The following RPL7A variants were observed in gnomAD, a reference collection of about 807,000 sequenced individuals.
RPL7A encodes ribosomal protein L7a, also known as large ribosomal subunit protein eL8.
For synonymous variants in RPL7A, 158 were observed against 128.2 expected (o/e 1.23, Z -1.57); for missense variants, 291 against 338.2 (o/e 0.86, Z 1.09).
At chr9:133,350,807 G>T in intron 6 of RPL7A, 80 bp downstream of exon 6, 3 of 1,595,076 alleles carry the variant, frequency 1.9e-6, no homozygotes, top group Non-Finnish European at 1.7e-6. Flanking sequence ...TGCCTTAAAG[G>T]CCAATCTTTT....
intron 6 of RPL7A, 95 bp from the exon 7 acceptor site, chr9:133,350,907 A>G (rs1337165920): frequency 2.0e-6 from 3 of 1,506,270 alleles, no homozygotes; most frequent in African/African-American, 2.7e-5. Context: ...ATTGCATCTG[A>G]GGCAAAAGAC....
intron 7 of RPL7A, 64 bp downstream of exon 7, chr9:133,351,135 G>A: frequency 1.3e-6 from 2 of 1,578,918 alleles, no homozygotes; most frequent in Middle Eastern, 1.7e-4. Context: ...TAACTGGCTG[G>A]CTTAACCTAT....
chr9:133,349,870 A>T (rs2129989234), intron 3 of RPL7A, 42 bp from the exon 4 acceptor site: 1 of 1,606,770 alleles, frequency 6.2e-7, no homozygotes, highest in South Asian at 1.1e-5. Flanking sequence ...GACAAGGATT[A>T]GAACCTTGAC....
Position 133,351,202 on chromosome 9 carries a change from T to C in RPL7A, c.697-60T>C. 6 of 1,571,252 alleles carry C rather than the reference T, an allele frequency of 3.8e-6. No homozygotes were observed. In the South Asian group the frequency reaches 6.7e-5, roughly 18 times the overall value. On this transcript the variant is annotated intron_variant, in intron 7 of 7. Transcript: ENST00000323345. Reference sequence around the variant, plus strand: ...AGCCAAACAGAATTAACGCAACTAATAACCTTGAAAATCTCAGAAAACAGT... The same window carrying C: ...AGCCAAACAGAATTAACGCAACTAACAACCTTGAAAATCTCAGAAAACAGT...
At chr9:133,350,208 G>C (rs782517475) in intron 4 of RPL7A, 32 bp from the exon 5 acceptor site, 14 of 1,613,240 alleles carry the variant, frequency 8.7e-6, no homozygotes, top group Non-Finnish European at 1.2e-5. Context: ...AGCAGGCCCT[G>C]TGAGTGCTCA....
At chr9:133,348,383 A>G in intron 1 of RPL7A, 137 bp downstream of exon 1, 1 of 1,240,428 alleles carries the variant, frequency 8.1e-7, no homozygotes, top group Non-Finnish European at 1.2e-6. Context: ...GCACGGAGAC[A>G]CCGAGGTGGA....
Position 133,349,626 on chromosome 9 carries a change from G to C in RPL7A, c.200G>C (p.Arg67Thr). 1 of 1,614,078 alleles carries C rather than the reference G, an allele frequency of 6.2e-7. No homozygotes were observed. Among genetic ancestry groups the C allele is most frequent in the Non-Finnish European group, 8.5e-7 (1 of 1,180,024 alleles). ...CGCTATATCAGGTTGCAGCGGCAGA[G>C]AGCCATCCTCTATAAGCGGCTGAAA... ...WPRYIRLQRQRAILYKRLKVP... is the reference protein window; with the variant it reads ...WPRYIRLQRQTAILYKRLKVP... The change falls in exon 3 of 8, where the codon AGA (arginine) becomes ACA (threonine). Residue 67 changes from arginine to threonine, a missense_variant. Coordinates refer to ENST00000323345, the MANE Select transcript of RPL7A (RefSeq NM_000972.3).
Position 133,349,659 on chromosome 9 carries a change from C to T in RPL7A, c.233C>T (p.Pro78Leu). 6.2e-7 allele frequency: 1 copy of T among 1,614,060 alleles called. No individual in the cohort carries two copies. The change falls in exon 3 of 8, where the codon CCT becomes CTT. Residue 78 changes from proline (P) to leucine (L), a missense_variant. Coordinates refer to ENST00000323345, the MANE Select transcript of RPL7A (RefSeq NM_000972.3). ...AILYKRLKVP[P>L]AINQFTQALD... ...CTCTATAAGCGGCTGAAAGTGCCTC[C>T]TGCGATTAACCAGTTCACCCAGGCC...
intron 4 of RPL7A, 51 bp downstream of exon 4, chr9:133,350,103 A>C (rs1246673862): frequency 3.1e-6 from 5 of 1,613,774 alleles, no homozygotes; most frequent in Non-Finnish European, 4.2e-6. Flanking sequence ...TGTTGCAGTG[A>C]TGTAAAATTT....
chr9:133,348,675 G>A (rs997901243), intron 1 of RPL7A: 10 of 703,384 alleles, frequency 1.4e-5, no homozygotes, highest in South Asian at 9.0e-5. Context: ...TGGGCGACGC[G>A]AAGAGAGCGT....
Position 133,351,371 on chromosome 9 carries a change from A to T in RPL7A, c.*5A>T. 2 of 1,578,668 alleles carry T rather than the reference A, an allele frequency of 1.3e-6. No homozygotes were observed. The highest frequency in any genetic ancestry group is 1.7e-6 in the Non-Finnish European group (2 of 1,150,780). ...CTTGCCACTAAACTGGGTTAAATGT[A>T]CACTGTTGAGTTTTCTGTACATAAA... On this transcript the variant is annotated 3_prime_UTR_variant, in exon 8 of 8. Coordinates refer to ENST00000323345, the MANE Select transcript of RPL7A (RefSeq NM_000972.3).
intron 1 of RPL7A, 23 bp downstream of exon 1, chr9:133,348,269 G>A (rs2129977518): frequency 1.2e-6 from 2 of 1,614,072 alleles, no homozygotes; most frequent in South Asian, 1.1e-5. Context: ...TAGTTCCGTG[G>A]CACTATAGCC....
At chr9:133,349,423 A>G (rs2129985881) in intron 2 of RPL7A, 128 bp from the exon 3 acceptor site, 18 of 1,122,692 alleles carry the variant, frequency 1.6e-5, no homozygotes, top group Non-Finnish European at 2.5e-5. Context: ...AATATTTGCT[A>G]TCTGAGAGAT....
In RPL7A at chr9:133,349,692, G is replaced by A. The variant is rs2129987978; in HGVS notation, c.266G>A (p.Arg89His). ...AACCAGTTCACCCAGGCCCTGGACCGCCAAACAGGTGAGGTTCTGTGGCGT... is the reference window on the plus strand; with the variant it reads ...AACCAGTTCACCCAGGCCCTGGACCACCAAACAGGTGAGGTTCTGTGGCGT... ...AINQFTQALD[R>H]QTATQLLKLA... is the part of the protein sequence containing the mutation. Residue 89 changes from arginine (R) to histidine (H), a missense_variant, in exon 3 of 8, where the codon CGC becomes CAC. Coordinates refer to ENST00000323345, the MANE Select transcript of RPL7A (RefSeq NM_000972.3). The A allele has an allele frequency of 6.8e-6, 11 of 1,613,766 alleles. No homozygotes were observed. Among genetic ancestry groups the A allele is most frequent in the East Asian group, 4.5e-5 (2 of 44,904 alleles).
intron 2 of RPL7A, 149 bp from the exon 3 acceptor site, chr9:133,349,401 AT>A (rs1465779479): frequency 2.0e-6 from 2 of 1,023,984 alleles, no homozygotes; most frequent in African/African-American, 3.1e-5. Context: ...TTGTGTGCAG[AT>A]GATGTAAAAG....
rs2129998242 is a variant in RPL7A, at chr9:133,351,117, C to A, written c.696+46C>A. 6.9e-6 allele frequency: 11 copies of A among 1,593,926 alleles called. No individual in the cohort carries two copies. In the South Asian group the frequency reaches 1.1e-4, roughly 16 times the overall value. ...AAAATACTGTCATTCACAAATCTTT[C>A]TCCCAAATAACTGGCTGGCTTAACC... On this transcript the variant is annotated intron_variant, in intron 7 of 7. Coordinates refer to ENST00000323345, the MANE Select transcript of RPL7A (RefSeq NM_000972.3).
intron 2 of RPL7A, 68 bp downstream of exon 2, chr9:133,349,110 G>A: frequency 1.3e-6 from 2 of 1,583,058 alleles, no homozygotes; most frequent in Non-Finnish European, 1.7e-6. Flanking sequence ...ATTGGGTTGT[G>A]TTGTATCTTG....
intron 2 of RPL7A, 96 bp from the exon 3 acceptor site, chr9:133,349,455 C>G (rs2129986197): frequency 2.7e-6 from 4 of 1,464,700 alleles, no homozygotes; most frequent in Middle Eastern, 3.4e-4. Flanking sequence ...TTTAAACCAC[C>G]AAGATCGCTG....
chr9:133,350,165 C>A, intron 4 of RPL7A, 75 bp from the exon 5 acceptor site: 1 of 1,609,126 alleles, frequency 6.2e-7, no homozygotes, highest in Non-Finnish European at 8.5e-7. Flanking sequence ...AACACTGAGT[C>A]AGCAGCTGAG....
Sources: gnomAD v4.1 joint callset for allele counts on GRCh38, gnomAD v4.1.1 for gene constraint, MANE v1.5 for transcripts, NCBI Gene and HGNC (gene_info 2026-07-23, HGNC 2026-07-21) for gene names.